MSH3: variants seen among roughly 807,000 people sequenced by gnomAD.
MSH3 encodes mutS homolog 3, also known as DNA mismatch repair protein Msh3.
In MSH3, 106 loss-of-function variants were observed where a neutral mutation model predicts 123.3. The ratio of observed to expected loss-of-function variants is 0.86; its 90% CI spans 0.73 to 1.01. MSH3 has a LOEUF of 1.01. MSH3 is among the 50% of genes least tolerant of loss of function. The probability of loss-of-function intolerance (pLI) is 0.00; values close to 1 mark genes in which losing one functional copy is unlikely to be tolerated. For synonymous variants in MSH3, 515 were observed against 481.4 expected (o/e 1.07, Z -0.91); for missense variants, 1,459 against 1,347.6 (o/e 1.08, Z -1.29).
intron 22 of MSH3, among the ~76,000 whole-genome samples, chr5:80,866,059 A>G (rs1348746300): frequency 6.6e-6 from 1 of 152,244 alleles, no homozygotes; most frequent in Non-Finnish European, 1.5e-5. Flanking sequence ...TGCCGCTAAT[A>G]CGCATTTGAT....
intron 17 of MSH3, among the ~76,000 whole-genome samples, chr5:80,783,355 A>T (rs1376714013): frequency 6.6e-6 from 1 of 152,112 alleles, no homozygotes; most frequent in East Asian, 1.9e-4. Flanking sequence ...TCAGCTTACC[A>T]TTTTTCTAAG....
intron 8 of MSH3, among the ~76,000 whole-genome samples, chr5:80,679,335 C>G (rs2112819435): frequency 6.6e-6 from 1 of 152,104 alleles, no homozygotes; most frequent in Middle Eastern, 3.4e-3. Flanking sequence ...AATCTGAGAC[C>G]AGCCTGGGCA....
intron 7 of MSH3, 151 bp downstream of exon 7, chr5:80,675,279 T>C: frequency 1.0e-6 from 1 of 952,588 alleles, no homozygotes; most frequent in South Asian, 1.6e-5. Flanking sequence ...TATTATATGT[T>C]AAATCGCTAG....
At chr5:80,656,608 TATTAGA>T in intron 2 of MSH3, 77 bp downstream of exon 2, 2 of 1,583,598 alleles carry the variant, frequency 1.3e-6, no homozygotes, top group Non-Finnish European at 1.7e-6. Context: ...CAGAAGAGCG[TATTAGA>T]ATTGTGTCTT....
Position 80,792,818 on chromosome 5 carries a change from TATGTCCCAAATA to T in MSH3, c.2632_2643del (p.Val878_Asn881del), listed in dbSNP as rs1431411991. 1 of 1,611,758 alleles carries T rather than the reference TATGTCCCAAATA, an allele frequency of 6.2e-7. No homozygotes were observed. Among genetic ancestry groups the T allele is most frequent in the South Asian group, 1.1e-5 (1 of 91,004 alleles). On this transcript the variant is annotated inframe_deletion, in exon 19 of 24. Transcript: ENST00000265081. ...TGTGTTGCTGGGAGAACAGGATCAA[TATGTCCCAAATA>T]ATACAGATTTATCAGTAAGTACCTT...
chr5:80,871,749 A>T (rs1208746590), intron 22 of MSH3, among the ~76,000 whole-genome samples: 3 of 152,122 alleles, frequency 2.0e-5, no homozygotes, highest in Admixed American at 2.0e-4. Flanking sequence ...CTCTGAAGTG[A>T]CATCTCATCA....
intron 21 of MSH3, among the ~76,000 whole-genome samples, chr5:80,864,567 G>A (rs1378253610): frequency 6.6e-6 from 1 of 152,110 alleles, no homozygotes; most frequent in East Asian, 1.9e-4. Context: ...GTGTCATGAT[G>A]TCTGCAACTA....
chr5:80,812,220 G>A (rs1054775824), intron 19 of MSH3, among the ~76,000 whole-genome samples: 8 of 152,046 alleles, frequency 5.3e-5, no homozygotes, highest in South Asian at 2.1e-4. Flanking sequence ...ACAGCTTTAG[G>A]GATGGAACAG....
chr5:80,764,503 A>T (rs934691210), intron 13 of MSH3, among the ~76,000 whole-genome samples: 2 of 149,260 alleles, frequency 1.3e-5, no homozygotes, highest in Non-Finnish European at 3.0e-5. Context: ...GGCACGTGCC[A>T]CCATGCCCAG....
In MSH3 at chr5:80,768,110, C is replaced by G. The variant is rs1167298695; in HGVS notation, c.2074C>G (p.Gln692Glu). 3 of 1,613,538 alleles carry G rather than the reference C, an allele frequency of 1.9e-6. No individual in the cohort carries two copies. Among genetic ancestry groups the G allele is most frequent in the Non-Finnish European group, 2.5e-6 (3 of 1,179,550 alleles). ...VEHYLKILNE[Q>E]AAKVGDKTEL... ...GCATTACTTAAAGATACTCAATGAA[C>G]AAGCTGCCAAGTAAGTACCAGACCC... The change falls in exon 14 of 24, where the codon CAA (glutamine) becomes GAA (glutamate). Residue 692 changes from glutamine to glutamate, a missense_variant. Coordinates refer to ENST00000265081, the MANE Select transcript of MSH3 (RefSeq NM_002439.5).
intron 20 of MSH3, among the ~76,000 whole-genome samples, chr5:80,818,072 A>T (rs1169008110): frequency 1.3e-5 from 2 of 152,248 alleles, no homozygotes; most frequent in East Asian, 3.9e-4. Context: ...TATAAAAAAT[A>T]GCCAGGTGTG....
intron 12 of MSH3, among the ~76,000 whole-genome samples, chr5:80,755,933 T>G (rs997098741): frequency 6.6e-6 from 1 of 152,284 alleles, no homozygotes; most frequent in East Asian, 1.9e-4. Context: ...CTCATAGATT[T>G]TCAGTTTCAA....
chr5:80,729,062 G>A, intron 10 of MSH3, 97 bp downstream of exon 10: 1 of 755,018 alleles, frequency 1.3e-6, no homozygotes. Flanking sequence ...AAGCTTGCCT[G>A]CTATTGATAG....
At chr5:80,783,068 T>C (rs1470005666) in intron 17 of MSH3, among the ~76,000 whole-genome samples, 3 of 152,256 alleles carry the variant, frequency 2.0e-5, no homozygotes, top group African/African-American at 4.8e-5. Context: ...TAAAAAATTA[T>C]AGAAATTCAT....
At chr5:80,726,433 G>C (rs539893867) in intron 9 of MSH3, among the ~76,000 whole-genome samples, 1 of 152,202 alleles carries the variant, frequency 6.6e-6, no homozygotes, top group Middle Eastern at 3.4e-3. Flanking sequence ...ATTTCATGAT[G>C]CCTTGGTCAA....
rs758193305 is a variant in MSH3 at position 80,767,947 on chromosome 5, GTTC to G, written c.1917_1919del (p.Phe639del). Reference sequence around the variant, plus strand: ...TCTATTTTCAGTGTTCTACCCAAGAGTTCTTCTTGATTGTCAAAACTTTATATC... The same window carrying G: ...TCTATTTTCAGTGTTCTACCCAAGAGTTCTTGATTGTCAAAACTTTATATC... On this transcript the variant is annotated inframe_deletion, in exon 14 of 24. Coordinates refer to ENST00000265081, the MANE Select transcript of MSH3 (RefSeq NM_002439.5). 11 of 1,610,066 alleles carry G rather than the reference GTTC, an allele frequency of 6.8e-6. No homozygotes were observed. The highest frequency in any genetic ancestry group is 4.5e-5 in the East Asian group (2 of 44,796).
chr5:80,785,946 A>T (rs1025858870), intron 17 of MSH3, among the ~76,000 whole-genome samples: 66 of 148,918 alleles, frequency 4.4e-4, no homozygotes, highest in African/African-American at 1.5e-3. Flanking sequence ...AACAATGAGA[A>T]CACATGGACA....
chr5:80,806,151 T>G (rs923720778), intron 19 of MSH3, among the ~76,000 whole-genome samples: 7 of 152,198 alleles, frequency 4.6e-5, no homozygotes, highest in Non-Finnish European at 1.0e-4. Context: ...CAGGCTGGAG[T>G]GCAATGGCGC....
At chr5:80,663,489 C>CT (rs76012334) in intron 2 of MSH3, among the ~76,000 whole-genome samples, 183 of 145,472 alleles carry the variant, frequency 1.3e-3, no homozygotes, top group African/African-American at 1.2e-3. Flanking sequence ...TTTCACAATA[C>CT]TTTTTTTTTT....
Sources: allele counts gnomAD v4.1 joint callset (sites outside exome capture counted in the v4.1 genomes callset), GRCh38; gene constraint gnomAD v4.1.1; transcripts MANE v1.5; gene names NCBI Gene and HGNC (gene_info 2026-07-23, HGNC 2026-07-21).